CNBP: variants seen among roughly 807,000 people sequenced by gnomAD.
CNBP encodes CCHC-type zinc finger nucleic acid binding protein.
Under a neutral mutation model 21.2 loss-of-function variants are expected in CNBP, and 6 were observed. The ratio of observed to expected loss-of-function variants is 0.28; its 90% CI spans 0.16 to 0.56. The LOEUF is 0.56. Among genes scored for constraint, CNBP ranks in the 20% least tolerant of loss-of-function variants. The pLI, the probability that CNBP is intolerant of heterozygous loss-of-function variation, is 0.93. For synonymous variants in CNBP, 61 were observed against 74.9 expected (o/e 0.81, Z 0.96); for missense variants, 112 against 233.1 (o/e 0.48, Z 3.38).
At chr3:129,172,675 GACAGACAGACAGACAGACAGACACAC>G (rs1265478973) in intron 1 of CNBP, among the ~76,000 whole-genome samples, 6 of 111,348 alleles carry the variant, frequency 5.4e-5, no homozygotes, top group African/African-American at 2.1e-4. Context: ...CAGACAGACA[GACAGACAGACAGACAGACAGACACAC>G]ACACACACAC....
In CNBP at chr3:129,183,887, G is replaced by C. The variant is rs574781443; in HGVS notation, c.-126C>G. 1.3e-5 allele frequency: 2 copies of C among 152,952 alleles called. No individual in the cohort carries two copies. The highest frequency in any genetic ancestry group is 2.9e-5 in the Non-Finnish European group (2 of 68,162). 9.5% of individuals were successfully genotyped at this position (152,952 alleles called of 1,614,324 possible). A position where few individuals can be genotyped will look rare whatever the true frequency, so the allele number is the denominator to read the frequency against. ...GAGGGTCCTTGCCTGCGCCACACGC[G>C]GGTCTGCACACGGCCCCACATACGC... On this transcript the variant is annotated 5_prime_UTR_variant, in exon 1 of 5. Transcript: ENST00000422453.
intron 1 of CNBP, among the ~76,000 whole-genome samples, chr3:129,177,707 G>A (rs760864161): frequency 1.3e-5 from 2 of 152,136 alleles, no homozygotes; most frequent in East Asian, 1.9e-4. Flanking sequence ...AGAAACACCG[G>A]TGATTTCCAA....
chr3:129,179,557 C>A (rs1323547373), intron 1 of CNBP, among the ~76,000 whole-genome samples: 2 of 152,060 alleles, frequency 1.3e-5, no homozygotes, highest in Non-Finnish European at 2.9e-5. Context: ...TATTCTTGCT[C>A]CATTTTAATG....
chr3:129,182,990 T>C (rs1012625324), intron 1 of CNBP, among the ~76,000 whole-genome samples: 19 of 152,096 alleles, frequency 1.2e-4, no homozygotes, highest in African/African-American at 4.6e-4. Flanking sequence ...CTCTCTCTGT[T>C]GCCCATGCTG....
intron 1 of CNBP, among the ~76,000 whole-genome samples, chr3:129,172,617 CAGGCAGCCAGGCAGG>C (rs1560034679): frequency 0.053 from 4,139 of 78,228 alleles, 123 homozygotes; most frequent in Middle Eastern, 0.071. Context: ...GACAGGCAGA[CAGGCAGCCAGGCAGG>C]CAGGCAGGCA....
intron 1 of CNBP, among the ~76,000 whole-genome samples, chr3:129,182,399 ACAAGACCCC>A (rs1047343389): frequency 6.6e-6 from 1 of 152,170 alleles, no homozygotes; most frequent in African/African-American, 2.4e-5. Flanking sequence ...TTCTCTTTTT[ACAAGACCCC>A]CAAGACCAGA....
At chr3:129,172,683 GACAGACAGACAGACACACACAC>G (rs796440020) in intron 1 of CNBP, among the ~76,000 whole-genome samples, 17 of 95,968 alleles carry the variant, frequency 1.8e-4, no homozygotes, top group South Asian at 7.1e-4. Flanking sequence ...CAGACAGACA[GACAGACAGACAGACACACACAC>G]ACACACACAC....
Position 129,168,620 on chromosome 3 carries a change from A to G in CNBP, c.*1833T>C, listed in dbSNP as rs1576904039. ...GAGACTGTCTCAAAAAAAAAAAAAA[A>G]AAAAAAAAAGGCCCAGGAAAAACAC... On this transcript the variant is annotated 3_prime_UTR_variant, in exon 5 of 5. Transcript: ENST00000422453. Among the ~76,000 whole-genome samples, 1 of 150,324 alleles carries G rather than the reference A, an allele frequency of 6.7e-6. No homozygotes were observed. Among genetic ancestry groups the G allele is most frequent in the Non-Finnish European group, 1.5e-5 (1 of 67,538 alleles).
intron 1 of CNBP, among the ~76,000 whole-genome samples, chr3:129,181,649 C>CAAAAAAAAAAAAA (rs1367375702): frequency 0.026 from 1,863 of 72,172 alleles, 601 homozygotes; most frequent in African/African-American, 0.062. Flanking sequence ...GACTCCGTCT[C>CAAAAAAAAAAAAA]AGAAAAAAAA....
intron 1 of CNBP, among the ~76,000 whole-genome samples, chr3:129,180,805 A>C (rs1302371819): frequency 6.6e-6 from 1 of 151,988 alleles, no homozygotes; most frequent in East Asian, 1.9e-4. Context: ...AGGAAAAAAA[A>C]GCAGAATCTC....
chr3:129,174,972 G>C (rs1158082110), intron 1 of CNBP, among the ~76,000 whole-genome samples: 5 of 152,080 alleles, frequency 3.3e-5, no homozygotes. Flanking sequence ...CAAGGCAGGA[G>C]GATCACCTGA....
chr3:129,174,372 A>AAAAC, intron 1 of CNBP, among the ~76,000 whole-genome samples: 1 of 150,268 alleles, frequency 6.7e-6, no homozygotes, highest in East Asian at 1.9e-4. Flanking sequence ...AAAAAAAAAA[A>AAAAC]AACGAATGGC....
chr3:129,172,825 T>C (rs986975710), intron 1 of CNBP, among the ~76,000 whole-genome samples: 1 of 152,012 alleles, frequency 6.6e-6, no homozygotes, highest in African/African-American at 2.4e-5. Flanking sequence ...TTTGGGCAAA[T>C]AGAAGTCATT....
chr3:129,169,722 ACAT>A lies in CNBP; in HGVS notation c.*728_*730del, dbSNP rs1318202097. The A allele has an allele frequency of 4.6e-6, 1 of 216,706 alleles. No individual in the cohort carries two copies. Among genetic ancestry groups the A allele is most frequent in the Non-Finnish European group, 9.3e-6 (1 of 107,560 alleles). The allele number at this position is 216,706 out of a possible 1,614,324, so 13.4% of individuals were successfully genotyped here. ...CTAAGTGATATAGTATACAAAAATA[ACAT>A]CTTGATTTCTGTGAAAATGCATTTC... On this transcript the variant is annotated 3_prime_UTR_variant, in exon 5 of 5. Coordinates refer to ENST00000422453, the MANE Select transcript of CNBP (RefSeq NM_003418.5).
chr3:129,171,498 A>G lies in CNBP; in HGVS notation c.165T>C (p.Tyr55=), dbSNP rs915643340. ...FVSSSLPDIC[Y]RCGESGHLAK... ...CAAGATGACCAGACTCACCACAGCG[A>G]TAACAAATGTCTGGAAGAGACGAGG... Residue 55 remains tyrosine (Y), a synonymous_variant, in exon 3 of 5, where the codon TAT becomes TAC. Transcript: ENST00000422453. 6.2e-6 allele frequency: 10 copies of G among 1,614,118 alleles called. No individual in the cohort carries two copies. In the Admixed American group the frequency reaches 6.7e-5, roughly 11 times the overall value.
intron 1 of CNBP, among the ~76,000 whole-genome samples, chr3:129,183,543 G>C (rs1938467201): frequency 6.6e-6 from 1 of 152,238 alleles, no homozygotes; most frequent in South Asian, 2.1e-4. Context: ...CCGCATGCTC[G>C]GCGACCCAGC....
At chr3:129,174,659 CA>C (rs11322688) in intron 1 of CNBP, among the ~76,000 whole-genome samples, 82,578 of 104,946 alleles carry the variant, frequency 0.79, 32,426 homozygotes, top group Middle Eastern at 0.91. Context: ...AACTCCATCT[CA>C]AAAAAAAAAA....
intron 1 of CNBP, among the ~76,000 whole-genome samples, chr3:129,181,107 G>A (rs1441259389): frequency 6.6e-6 from 1 of 151,196 alleles, no homozygotes; most frequent in Non-Finnish European, 1.5e-5. Flanking sequence ...GGGCGTGGTG[G>A]CACACGCCTG....
Position 129,181,651 on chromosome 3 carries a change from G to GAAA in CNBP, c.-15+2122_-15+2124dup, listed in dbSNP as rs371274750. ...GGCGACAGAGTGAGACTCCGTCTCAGAAAAAAAAAAAGAAAAACCCCTGGT... is the reference window on the plus strand; with the variant it reads ...GGCGACAGAGTGAGACTCCGTCTCAGAAAAAAAAAAAAAAGAAAAACCCCTGGT... On this transcript the variant is annotated intron_variant, in intron 1 of 4. Coordinates refer to ENST00000422453, the MANE Select transcript of CNBP (RefSeq NM_003418.5). Among the ~76,000 whole-genome samples the GAAA allele has an allele frequency of 2.9e-4, 33 of 115,320 alleles. 3 individuals are homozygous for GAAA. Among genetic ancestry groups the GAAA allele is most frequent in the African/African-American group, 9.8e-4 (30 of 30,638 alleles). 75.7% of individuals were successfully genotyped at this position (115,320 alleles called of 152,430 possible). A position where few individuals can be genotyped will look rare whatever the true frequency, so the allele number is the denominator to read the frequency against.
Sources: allele counts gnomAD v4.1 joint callset (sites outside exome capture counted in the v4.1 genomes callset), GRCh38; gene constraint gnomAD v4.1.1; transcripts MANE v1.5; gene names NCBI Gene and HGNC (gene_info 2026-07-23, HGNC 2026-07-21).